Variants in DNAAF5 observed in about 807,000 individuals in gnomAD.
The protein encoded by DNAAF5 is HEAT repeat containing 2.
A neutral mutation model predicts 75.8 loss-of-function variants in DNAAF5; 64 were observed. The observed-to-expected ratio is 0.84, with a 90% CI of 0.69 to 1.04. The LOEUF (loss-of-function observed/expected upper bound fraction) is 1.04, where lower values mean the gene tolerates loss of function less well. DNAAF5 is among the 50% of genes least tolerant of loss of function. The pLI, the probability that DNAAF5 is intolerant of heterozygous loss-of-function variation, is 0.00. For synonymous variants in DNAAF5, 657 were observed against 557.2 expected, an observed-to-expected ratio of 1.18 and a Z score of -2.52; for missense variants, 1,269 against 1,178.5, an observed-to-expected ratio of 1.08 and a Z score of -1.12.
chr7:766,833 CCAAA>C (rs34428006), intron 8 of DNAAF5, among the ~76,000 whole-genome samples: 6,063 of 152,024 alleles, frequency 0.04, 415 homozygotes, highest in African/African-American at 0.14. Context: ...GCATTAACTC[CCAAA>C]CAAACAGGCA....
At chr7:775,573 CATACAA>C (rs771854320) in intron 11 of DNAAF5, among the ~76,000 whole-genome samples, 15 of 151,912 alleles carry the variant, frequency 9.9e-5, no homozygotes, top group Non-Finnish European at 1.6e-4. Flanking sequence ...TGCATTTATA[CATACAA>C]ATACAAATTT....
At chr7:731,669 G>A (rs1178905549) in intron 2 of DNAAF5, among the ~76,000 whole-genome samples, 2 of 152,078 alleles carry the variant, frequency 1.3e-5, no homozygotes, top group Admixed American at 6.5e-5. Flanking sequence ...AATGTTACGA[G>A]ATTGTTTTTG....
intron 6 of DNAAF5, among the ~76,000 whole-genome samples, chr7:757,749 C>G (rs539645962): frequency 6.6e-6 from 1 of 152,174 alleles, no homozygotes; most frequent in Non-Finnish European, 1.5e-5. Context: ...GACTCAGCAC[C>G]CCAGATATTT....
intron 2 of DNAAF5, among the ~76,000 whole-genome samples, chr7:735,734 A>T (rs1781723535): frequency 6.6e-6 from 1 of 152,134 alleles, no homozygotes; most frequent in Non-Finnish European, 1.5e-5. Context: ...CCAAAAATCT[A>T]ACTGTTCATT....
Position 756,820 on chromosome 7 carries a change from C to T in DNAAF5, c.1296C>T (p.Ser432=), listed in dbSNP as rs747756453. 2 of 1,614,008 alleles carry T rather than the reference C, an allele frequency of 1.2e-6. No homozygotes were observed. The highest frequency in any genetic ancestry group is 2.2e-5 in the South Asian group (2 of 91,082). The change falls in exon 6 of 13, where the codon AGC becomes AGT. Residue 432 remains serine, a synonymous_variant. Coordinates refer to ENST00000297440, the MANE Select transcript of DNAAF5 (RefSeq NM_017802.4). ...CAGAGCTCGTCGGGACGTTTGTCAG[C>T]CCTGAGGTGTTTCTGAAGCTGATCT... is the stretch of plus-strand genomic sequence containing the variant. ...RSAELVGTFV[S]PEVFLKLILS... is the part of the protein sequence containing the mutation.
chr7:764,031 G>C, intron 8 of DNAAF5, 57 bp downstream of exon 8: 1 of 1,575,794 alleles, frequency 6.3e-7, no homozygotes, highest in African/African-American at 1.3e-5. Flanking sequence ...CTACACACCT[G>C]CTCCCCCAGG....
intron 4 of DNAAF5, among the ~76,000 whole-genome samples, chr7:753,523 T>C (rs1316285725): frequency 6.6e-6 from 1 of 152,226 alleles, no homozygotes; most frequent in Non-Finnish European, 1.5e-5. Flanking sequence ...TGCCGATGGC[T>C]TCGCAGCCGT....
At chr7:770,929 C>G (rs544274012) in intron 9 of DNAAF5, 151 of 266,136 alleles carry the variant, frequency 5.7e-4, no homozygotes, top group African/African-American at 3.1e-3. Flanking sequence ...GCTTAACTGG[C>G]CTGGAAGCAG....
rs76786186 is a variant in DNAAF5, at chr7:760,668, T to G, written c.1471-1085T>G. On this transcript the variant is annotated intron_variant, in intron 6 of 12. Transcript: ENST00000297440. ...CTGTCTCTAAAAAATAAGTTAAAATTTATTTAGAAAGAAGTAAGCACACGC... is the reference window on the plus strand; with the variant it reads ...CTGTCTCTAAAAAATAAGTTAAAATGTATTTAGAAAGAAGTAAGCACACGC... Among the ~76,000 whole-genome samples, 1,109 of 152,180 alleles carry G rather than the reference T, an allele frequency of 7.3e-3. 19 individuals carry two copies. Among genetic ancestry groups the G allele is most frequent in the East Asian group, 0.044 (230 of 5,172 alleles).
At chr7:760,716 C>T (rs775825839) in intron 6 of DNAAF5, among the ~76,000 whole-genome samples, 2 of 152,212 alleles carry the variant, frequency 1.3e-5, no homozygotes, top group African/African-American at 4.8e-5. Flanking sequence ...ATTCTTGGGT[C>T]CAGCACACGC....
At chr7:770,358 T>C in intron 8 of DNAAF5, 113 bp from the exon 9 acceptor site, 1 of 863,476 alleles carries the variant, frequency 1.2e-6, no homozygotes. Flanking sequence ...GGGGAGGTGG[T>C]GGCCGATAGT....
intron 4 of DNAAF5, among the ~76,000 whole-genome samples, chr7:742,482 CA>C (rs1781940741): frequency 2.1e-5 from 1 of 46,546 alleles, no homozygotes; most frequent in Non-Finnish European, 4.5e-5. Context: ...CAGCTCAAAT[CA>C]ATCATGCCCA....
At chr7:731,371 G>A (rs1407860783) in intron 2 of DNAAF5, among the ~76,000 whole-genome samples, 2 of 152,174 alleles carry the variant, frequency 1.3e-5, no homozygotes, top group African/African-American at 4.8e-5. Context: ...TGTGGAGCAC[G>A]CTCTGTAAAT....
At chr7:763,073 T>A (rs1782716912) in intron 7 of DNAAF5, among the ~76,000 whole-genome samples, 1 of 152,116 alleles carries the variant, frequency 6.6e-6, no homozygotes, top group African/African-American at 2.4e-5. Context: ...TCTGGGAGAT[T>A]TACGGCCTGA....
In DNAAF5 at chr7:769,315, T is replaced by C. The variant is rs534947791; in HGVS notation, c.1784-1156T>C. The C allele has an allele frequency of 1.7e-5, 11 of 656,022 alleles. No homozygotes were observed. The African/African-American group carries it at 2.0e-4, about 12-fold the overall frequency. 40.6% of individuals were successfully genotyped at this position (656,022 alleles called of 1,614,324 possible). A position where few individuals can be genotyped will look rare whatever the true frequency, so the allele number is the denominator to read the frequency against. On this transcript the variant is annotated intron_variant, in intron 8 of 12. Coordinates refer to ENST00000297440, the MANE Select transcript of DNAAF5 (RefSeq NM_017802.4). Reference sequence around the variant, plus strand: ...CCAGTCCCCACCCTGAGCCTTCAGCTCCTGGGCCTGCAGGCTGAGCCTGGC... The same window carrying C: ...CCAGTCCCCACCCTGAGCCTTCAGCCCCTGGGCCTGCAGGCTGAGCCTGGC...
At chr7:774,606 A>G (rs1457854536) in intron 10 of DNAAF5, among the ~76,000 whole-genome samples, 1 of 152,174 alleles carries the variant, frequency 6.6e-6, no homozygotes, top group Non-Finnish European at 1.5e-5. Context: ...GTCAGAAAAC[A>G]GACACTGATG....
chr7:742,090 C>G (rs867015434), intron 4 of DNAAF5, among the ~76,000 whole-genome samples: 1 of 152,190 alleles, frequency 6.6e-6, no homozygotes, highest in Non-Finnish European at 1.5e-5. Flanking sequence ...AGGTCCAGCC[C>G]CAACACATTT....
intron 6 of DNAAF5, 101 bp downstream of exon 6, chr7:757,095 G>A: frequency 8.3e-7 from 1 of 1,207,616 alleles, no homozygotes; most frequent in Non-Finnish European, 1.1e-6. Context: ...TGTGCCGCCA[G>A]GCTGGGCTGT....
intron 4 of DNAAF5, among the ~76,000 whole-genome samples, chr7:745,432 AC>A (rs1238252064): frequency 1.3e-5 from 2 of 151,944 alleles, no homozygotes; most frequent in Middle Eastern, 3.4e-3. Context: ...ACGCATACAC[AC>A]ACACACACAT....
Sources: allele counts gnomAD v4.1 joint callset (sites outside exome capture counted in the v4.1 genomes callset), GRCh38; gene constraint gnomAD v4.1.1; transcripts MANE v1.5; gene names NCBI Gene and HGNC (gene_info 2026-07-23, HGNC 2026-07-21).